ATP6V0A1: variants seen among roughly 807,000 people sequenced by gnomAD.
ATP6V0A1 encodes ATPase H+ transporting V0 subunit a1.
ATP6V0A1 carries 43 observed loss-of-function variants against 105.4 expected under a neutral mutation model. That is an observed-to-expected ratio of 0.41 (90% confidence interval 0.32 to 0.53). The LOEUF is 0.53. Among genes scored for constraint, ATP6V0A1 ranks in the 20% least tolerant of loss-of-function variants. ATP6V0A1 has a pLI of 0.30. For missense variants in ATP6V0A1, 676 were observed against 1,051.1 expected, an observed-to-expected ratio of 0.64 and a Z score of 4.93; for synonymous variants, 362 against 372.8, an observed-to-expected ratio of 0.97 and a Z score of 0.33.
intron 10 of ATP6V0A1, among the ~76,000 whole-genome samples, chr17:42,489,394 A>C (rs2090423312): frequency 3.3e-5 from 5 of 152,082 alleles, no homozygotes; most frequent in Admixed American, 2.6e-4. Context: ...AGCAGTTTTA[A>C]AAGAGTAATC....
chr17:42,473,332 G>A (rs2088255234), intron 5 of ATP6V0A1, among the ~76,000 whole-genome samples: 2 of 152,176 alleles, frequency 1.3e-5, no homozygotes, highest in South Asian at 2.1e-4. Flanking sequence ...CTGCCCAGAC[G>A]TTATTGTATT....
At chr17:42,499,910 CT>C (rs530818131) in intron 15 of ATP6V0A1, among the ~76,000 whole-genome samples, 4 of 151,814 alleles carry the variant, frequency 2.6e-5, no homozygotes, top group Admixed American at 6.6e-5. Context: ...AGTGAGGTCT[CT>C]TTTTTTCCTT....
chr17:42,494,805 A>G (rs755214647), intron 12 of ATP6V0A1: 3 of 498,124 alleles, frequency 6.0e-6, no homozygotes. Flanking sequence ...GCCAAAAGAA[A>G]TGGCCAAAAC....
At chr17:42,517,453 G>C (rs961267853) in intron 21 of ATP6V0A1, among the ~76,000 whole-genome samples, 7 of 152,212 alleles carry the variant, frequency 4.6e-5, no homozygotes, top group Non-Finnish European at 8.8e-5. Context: ...GCAAGGAACA[G>C]CCTCCCCATA....
At chr17:42,509,465 G>A (rs2092234683) in intron 19 of ATP6V0A1, among the ~76,000 whole-genome samples, 1 of 152,182 alleles carries the variant, frequency 6.6e-6, no homozygotes, top group African/African-American at 2.4e-5. Context: ...GAGGGCAGTG[G>A]GATGGGAATG....
chr17:42,515,592 C>G (rs1360276488), intron 21 of ATP6V0A1, among the ~76,000 whole-genome samples: 2 of 152,114 alleles, frequency 1.3e-5, no homozygotes, highest in Non-Finnish European at 2.9e-5. Context: ...TCGAGACCAG[C>G]CTGACCAACA....
At chr17:42,495,578 T>C (rs924650496) in intron 13 of ATP6V0A1, 48 bp from the exon 14 acceptor site, 22 of 1,458,086 alleles carry the variant, frequency 1.5e-5, no homozygotes, top group Non-Finnish European at 1.9e-5. Flanking sequence ...CCCTTGTTGT[T>C]TCCCTCTCTT....
intron 5 of ATP6V0A1, among the ~76,000 whole-genome samples, chr17:42,474,127 C>A (rs540501800): frequency 6.6e-6 from 1 of 151,868 alleles, no homozygotes; most frequent in Admixed American, 6.6e-5. Context: ...CTCAGCCTCC[C>A]GAGCAGCTGT....
chr17:42,521,703 T>C lies in ATP6V0A1; in HGVS notation c.*583T>C, dbSNP rs938671. Reference sequence around the variant, plus strand: ...CATCATGAGTGGCTTCTCCCTGTCATCCCCAGGGGTCATAGGATATCTACA... The same window carrying C: ...CATCATGAGTGGCTTCTCCCTGTCACCCCCAGGGGTCATAGGATATCTACA... On this transcript the variant is annotated 3_prime_UTR_variant, in exon 22 of 22. Transcript: ENST00000343619. The surrounding 1 kb of genome is among the most constrained non-coding windows in gnomAD (Gnocchi z 4.8). 11,013 of 152,336 alleles carry C rather than the reference T, an allele frequency of 0.072. 435 individuals are homozygous for C. The highest frequency in any genetic ancestry group is 0.14 in the East Asian group (760 of 5,298). The allele number at this position is 152,336 out of a possible 1,614,324, so 9.4% of individuals were successfully genotyped here.
At position 42,520,089 on chromosome 17, in the gene ATP6V0A1, G is replaced by A. The variant is rs947304287; in HGVS notation, c.2421-938G>A. 8.9e-5 allele frequency: 19 copies of A among 214,020 alleles called. No individual in the cohort carries two copies. In the East Asian group the frequency reaches 1.6e-3, roughly 18 times the overall value. 13.3% of individuals were successfully genotyped at this position (214,020 alleles called of 1,614,324 possible). A position where few individuals can be genotyped will look rare whatever the true frequency, so the allele number is the denominator to read the frequency against. On this transcript the variant is annotated intron_variant, in intron 21 of 21. Transcript: ENST00000343619. The stretch of plus-strand genomic sequence containing the variant: ...GCGCCTCAAAGCCCTCACCCTGCAC[G>A]TGACCTGTCACCTGGAGCCTGCCCC...
chr17:42,462,326 T>A (rs1327938957), intron 2 of ATP6V0A1, among the ~76,000 whole-genome samples: 1 of 152,186 alleles, frequency 6.6e-6, no homozygotes, highest in African/African-American at 2.4e-5. Flanking sequence ...CTGTTTCTCT[T>A]TGCTCCATGC....
chr17:42,497,516 C>CA (rs1329468870), intron 14 of ATP6V0A1, among the ~76,000 whole-genome samples: 7 of 149,598 alleles, frequency 4.7e-5, no homozygotes, highest in East Asian at 2.0e-4. Flanking sequence ...ACTAAAAATA[C>CA]AAAAAAAATT....
intron 19 of ATP6V0A1, among the ~76,000 whole-genome samples, chr17:42,511,961 C>CA (rs369718871): frequency 2.7e-5 from 4 of 147,002 alleles, no homozygotes; most frequent in Admixed American, 6.8e-5. Context: ...AACTCCGTCT[C>CA]AAAAAAAAAA....
intron 14 of ATP6V0A1, among the ~76,000 whole-genome samples, chr17:42,496,973 C>T (rs2091241999): frequency 6.6e-6 from 1 of 151,874 alleles, no homozygotes; most frequent in Admixed American, 6.6e-5. Flanking sequence ...GGAAGGAGAA[C>T]CTGTAGTTTA....
intron 5 of ATP6V0A1, among the ~76,000 whole-genome samples, chr17:42,474,081 C>T (rs902711142): frequency 6.6e-6 from 1 of 151,674 alleles, no homozygotes; most frequent in Non-Finnish European, 1.5e-5. Flanking sequence ...TGGCTCACTG[C>T]AACTGCCGCC....
chr17:42,494,212 TGACAGAGCAA>T, intron 11 of ATP6V0A1, 112 bp from the exon 12 acceptor site: 1 of 979,766 alleles, frequency 1.0e-6, no homozygotes, highest in Non-Finnish European at 1.5e-6. Context: ...CATTGCTGGC[TGACAGAGCAA>T]GACTCCATCT....
At chr17:42,497,062 G>T (rs1164769442) in intron 14 of ATP6V0A1, among the ~76,000 whole-genome samples, 1 of 151,902 alleles carries the variant, frequency 6.6e-6, no homozygotes, top group African/African-American at 2.4e-5. Flanking sequence ...AGCACTTTGG[G>T]AGGCCGAGGC....
At chr17:42,469,871 A>T (rs2087650074) in intron 4 of ATP6V0A1, among the ~76,000 whole-genome samples, 1 of 152,056 alleles carries the variant, frequency 6.6e-6, no homozygotes. Flanking sequence ...CGAACTCCTG[A>T]CCTCAAGTGA....
Position 42,498,951 on chromosome 17 carries a change from A to G in ATP6V0A1, c.1588A>G (p.Thr530Ala). ...PIWNIATNKLTFLNSFKMKMS... is the reference protein window; with the variant it reads ...PIWNIATNKLAFLNSFKMKMS... The stretch of plus-strand genomic sequence containing the variant: ...TTGGAACATTGCTACCAATAAACTG[A>G]CGTTCTTGAACTCCTTTAAGATGAA... Residue 530 changes from threonine to alanine, a missense_variant, in exon 15 of 22, where the codon ACG becomes GCG. Transcript: ENST00000343619. The G allele has an allele frequency of 6.2e-7, 1 of 1,612,918 alleles. No homozygotes were observed. The highest frequency in any genetic ancestry group is 1.1e-5 in the South Asian group (1 of 91,016).
Sources: allele counts gnomAD v4.1 joint callset (sites outside exome capture counted in the v4.1 genomes callset), GRCh38; gene constraint gnomAD v4.1.1; non-coding constraint Gnocchi (gnomAD v3.1); transcripts MANE v1.5; gene names NCBI Gene and HGNC (gene_info 2026-07-23, HGNC 2026-07-21).